Variants in WNT5B observed in about 807,000 individuals in gnomAD.
The protein encoded by WNT5B is Wnt family member 5B.
A neutral mutation model predicts 36.5 loss-of-function variants in WNT5B; 18 were observed. The observed-to-expected ratio is 0.49, with a 90% CI of 0.34 to 0.73. The LOEUF is 0.73. Ranked by LOEUF, WNT5B falls within the 30% of genes least tolerant of loss-of-function variation. The pLI, the probability that WNT5B is intolerant of heterozygous loss-of-function variation, is 0.01. For missense variants in WNT5B, 424 were observed against 508.4 expected (o/e 0.83, Z 1.60); for synonymous variants, 213 against 212.3 (o/e 1.00, Z -0.03).
chr12:1,633,053 A>C lies in WNT5B; in HGVS notation c.328+148A>C. ...GCTTGGCAGCAGTGTGCACCACGAG[A>C]GAGGCACACGAGGAAGCAGGCTCTG... On this transcript the variant is annotated intron_variant, in intron 3 of 4. Transcript: ENST00000397196. This position sits in a 1 kb window ranked among gnomAD's most constrained non-coding sequence, Gnocchi z 4.8. The C allele has an allele frequency of 1.7e-6, 2 of 1,196,428 alleles. 1 individual carries two copies. Among genetic ancestry groups the C allele is most frequent in the South Asian group, 3.3e-5 (2 of 61,156 alleles). The allele number at this position is 1,196,428 out of a possible 1,614,324, so 74.1% of individuals were successfully genotyped here. A position where few individuals can be genotyped will look rare whatever the true frequency, so the allele number is the denominator to read the frequency against.
At chr12:1,623,239 A>G (rs1376483533) in intron 1 of WNT5B, among the ~76,000 whole-genome samples, 1 of 112,244 alleles carries the variant, frequency 8.9e-6, no homozygotes, top group African/African-American at 3.5e-5. Context: ...TCTTTAGCCC[A>G]GGCCGGACTG....
chr12:1,627,189 A>C (rs567890246), upstream of WNT5B, among the ~76,000 whole-genome samples: 2 of 152,280 alleles, frequency 1.3e-5, no homozygotes, highest in South Asian at 4.1e-4. This position sits in a 1 kb window ranked among gnomAD's most constrained non-coding sequence, Gnocchi z 5.0. Flanking sequence ...GCATCTTGGA[A>C]GGTGTGGCCT....
At position 1,632,616 on chromosome 12, in the gene WNT5B, A is replaced by G; in HGVS notation, c.81-42A>G. On this transcript the variant is annotated intron_variant, in intron 2 of 4. Transcript: ENST00000397196. This position sits in a 1 kb window ranked among gnomAD's most constrained non-coding sequence, Gnocchi z 5.8. ...TAATGCTGCACACAGGCGTATGCTC[A>G]CTCCTGGGCCTTTTTTTCCCCTTTC... 4 of 1,567,486 alleles carry G rather than the reference A, an allele frequency of 2.6e-6. No individual in the cohort carries two copies. The highest frequency in any genetic ancestry group is 3.5e-6 in the Non-Finnish European group (4 of 1,150,132).
Position 1,631,379 on chromosome 12 carries a change from A to G in WNT5B, c.25A>G (p.Thr9Ala), listed in dbSNP as rs2094550490. ...CATGCCCAGCCTGCTGCTGCTGTTCACGGCTGCTCTGCTGTCCAGCTGGGC... is the reference window on the plus strand; with the variant it reads ...CATGCCCAGCCTGCTGCTGCTGTTCGCGGCTGCTCTGCTGTCCAGCTGGGC... The part of the protein sequence containing the change: MPSLLLLF[T>A]AALLSSWAQL... Residue 9 changes from threonine (T) to alanine (A), a missense_variant, in exon 2 of 5, where the codon ACG (threonine) becomes GCG (alanine). By Grantham distance (58) the Thr-to-Ala change is moderately conservative (BLOSUM62 0). Coordinates refer to ENST00000397196, the MANE Select transcript of WNT5B (RefSeq NM_032642.3). The G allele has an allele frequency of 6.2e-7, 1 of 1,614,140 alleles. No individual in the cohort carries two copies.
At position 1,645,558 on chromosome 12, in the gene WNT5B, C is replaced by T. The variant is rs566047718; in HGVS notation, c.622-236C>T. Among the ~76,000 whole-genome samples the T allele has an allele frequency of 4.1e-4, 62 of 152,338 alleles. 1 individual carries two copies. In the South Asian group the frequency reaches 9.1e-3, roughly 22 times the overall value. ...GTGAAAGTGCCTGGTGCCATCCTCC[C>T]GGCTGATGGGGACAAGTTGCCTTGC... On this transcript the variant is annotated intron_variant, in intron 4 of 4. Coordinates refer to ENST00000397196, the MANE Select transcript of WNT5B (RefSeq NM_032642.3).
chr12:1,640,903 C>G (rs11061891), intron 4 of WNT5B, among the ~76,000 whole-genome samples: 2 of 152,218 alleles, frequency 1.3e-5, no homozygotes, highest in Non-Finnish European at 2.9e-5. Context: ...GGCGTCCACC[C>G]GGGTTTCCTC....
At position 1,630,483 on chromosome 12, in the gene WNT5B, G is replaced by C. The variant is rs141945575; in HGVS notation, c.-57-815G>C. On this transcript the variant is annotated intron_variant, in intron 1 of 4. Transcript: ENST00000397196. This position sits in a 1 kb window ranked among gnomAD's most constrained non-coding sequence, Gnocchi z 5.3. ...CAGGGAAGGGCTGTGGCATCTGGAA[G>C]ATGCGTCCTCAGCTCAGGCATTTGA... Among the ~76,000 whole-genome samples, 15 of 152,332 alleles carry C rather than the reference G, an allele frequency of 9.8e-5. No homozygotes were observed. The highest frequency in any genetic ancestry group is 3.4e-4 in the African/African-American group (14 of 41,576).
chr12:1,646,456 G>T lies in WNT5B; in HGVS notation c.*204G>T. ...CTTTGCTGGTTCTCTCCTCTTGGTG[G>T]GTGGGAGACAGGGCTTTTTCTCTCC... On this transcript the variant is annotated 3_prime_UTR_variant, in exon 5 of 5. Transcript: ENST00000397196. 1 of 356,458 alleles carries T rather than the reference G, an allele frequency of 2.8e-6. No homozygotes were observed. The highest frequency in any genetic ancestry group is 4.7e-6 in the Non-Finnish European group (1 of 212,966). 22.1% of individuals were successfully genotyped at this position (356,458 alleles called of 1,614,324 possible).
chr12:1,636,541 A>ATC (rs71055175), intron 3 of WNT5B, among the ~76,000 whole-genome samples: 5 of 24,544 alleles, frequency 2.0e-4, no homozygotes, highest in African/African-American at 7.0e-4. Context: ...ATATATATAT[A>ATC]CTTTTTTTTT....
intron 3 of WNT5B, among the ~76,000 whole-genome samples, chr12:1,639,173 T>A (rs1242578108): frequency 2.0e-5 from 3 of 151,536 alleles, no homozygotes; most frequent in Non-Finnish European, 2.9e-5. Context: ...AGTCTCACTC[T>A]GTCGCCCAGG....
chr12:1,637,805 A>C (rs1292672865), intron 3 of WNT5B, among the ~76,000 whole-genome samples: 1 of 152,174 alleles, frequency 6.6e-6, no homozygotes, highest in South Asian at 2.1e-4. Context: ...GTGTGTAATA[A>C]CATTACATCT....
Position 1,639,697 on chromosome 12 carries a change from C to T in WNT5B, c.342C>T (p.Thr114=), listed in dbSNP as rs778345344. ...GRVMQIGSRE[T]AFTHAVSAAG... Reference sequence around the variant, plus strand: ...CTCATTCTGCAGGCAGCCGAGAGACCGCCTTCACCCACGCGGTGAGCGCCG... The same window carrying T: ...CTCATTCTGCAGGCAGCCGAGAGACTGCCTTCACCCACGCGGTGAGCGCCG... The change falls in exon 4 of 5, where the codon ACC becomes ACT. Residue 114 remains threonine, a synonymous_variant. Coordinates refer to ENST00000397196, the MANE Select transcript of WNT5B (RefSeq NM_032642.3). 1.9e-6 allele frequency: 3 copies of T among 1,566,722 alleles called. No homozygotes were observed. The highest frequency in any genetic ancestry group is 2.6e-6 in the Non-Finnish European group (3 of 1,162,386).
rs762658060 is a variant in WNT5B at position 1,632,895 on chromosome 12, C to G, written c.318C>G (p.Val106=). ...ACAACGCATCTGTCTTTGGGAGAGT[C>G]ATGCAGATAGGTAAGAGGCCATTAC... ...TADNASVFGR[V]MQIGSRETAF... The change falls in exon 3 of 5, where the codon GTC becomes GTG. Residue 106 remains valine, a synonymous_variant. Transcript: ENST00000397196. This position sits in a 1 kb window ranked among gnomAD's most constrained non-coding sequence, Gnocchi z 5.8. 1.9e-5 allele frequency: 30 copies of G among 1,609,730 alleles called. No individual in the cohort carries two copies. Among genetic ancestry groups the G allele is most frequent in the Non-Finnish European group, 2.5e-5 (29 of 1,176,632 alleles).
Position 1,639,984 on chromosome 12 carries a change from G to GGGACTCCCC in WNT5B, c.621+10_621+11insACTCCCCGG, listed in dbSNP as rs1555159740. On this transcript the variant is annotated intron_variant, in intron 4 of 4. Coordinates refer to ENST00000397196, the MANE Select transcript of WNT5B (RefSeq NM_032642.3). Reference sequence around the variant, plus strand: ...AACGAGGCCGGTCGCAGGGTAAGCTGGGCCTCCCCGGCCTCCCCAGCACTG... The same window carrying GGGACTCCCC: ...AACGAGGCCGGTCGCAGGGTAAGCTGGGACTCCCCGGCCTCCCCGGCCTCCCCAGCACTG... The GGGACTCCCC allele has an allele frequency of 1.2e-6, 2 of 1,605,032 alleles. No homozygotes were observed. Among genetic ancestry groups the GGGACTCCCC allele is most frequent in the Admixed American group, 3.4e-5 (2 of 58,828 alleles).
At chr12:1,635,019 C>T (rs1211153387) in intron 3 of WNT5B, among the ~76,000 whole-genome samples, 2 of 152,216 alleles carry the variant, frequency 1.3e-5, no homozygotes, top group Non-Finnish European at 2.9e-5. Context: ...TAAACCCCCA[C>T]GTTGCTTATC....
At chr12:1,639,638 G>A (rs1048914341) in intron 3 of WNT5B, 46 bp from the exon 4 acceptor site, 3 of 1,449,432 alleles carry the variant, frequency 2.1e-6, no homozygotes, top group African/African-American at 2.9e-5. Flanking sequence ...ACAGGTCCCC[G>A]GGAGAGGAGA....
intron 3 of WNT5B, 32 bp from the exon 4 acceptor site, chr12:1,639,652 C>T: frequency 1.4e-6 from 2 of 1,472,656 alleles, no homozygotes; most frequent in Non-Finnish European, 1.8e-6. Flanking sequence ...GAGGAGAGCG[C>T]ACCCGCTTAC....
chr12:1,644,008 G>A lies in WNT5B; in HGVS notation c.622-1786G>A, dbSNP rs567532336. On this transcript the variant is annotated intron_variant, in intron 4 of 4. Coordinates refer to ENST00000397196, the MANE Select transcript of WNT5B (RefSeq NM_032642.3). The surrounding 1 kb of genome is among the most constrained non-coding windows in gnomAD (Gnocchi z 5.1). ...CGACTCTCCTTCCCCAACTCTGTCT[G>A]AGTGTTTGCCCCTGCAAGAGATGCT... Among the ~76,000 whole-genome samples the A allele has an allele frequency of 6.6e-6, 1 of 152,210 alleles. No homozygotes were observed. Among genetic ancestry groups the A allele is most frequent in the South Asian group, 2.1e-4 (1 of 4,826 alleles).
At chr12:1,643,471 T>C (rs1056909073) in intron 4 of WNT5B, among the ~76,000 whole-genome samples, 3 of 152,158 alleles carry the variant, frequency 2.0e-5, no homozygotes, top group Non-Finnish European at 4.4e-5. Context: ...GTTCAAGCGA[T>C]TCTTCTGCCT....
Sources: gnomAD v4.1 joint callset for allele counts (sites outside exome capture counted in the v4.1 genomes callset) on GRCh38, gnomAD v4.1.1 for gene constraint, Gnocchi (gnomAD v3.1) non-coding constraint, MANE v1.5 for transcripts, NCBI Gene and HGNC (gene_info 2026-07-23, HGNC 2026-07-21) for gene names.